DAB1: variants seen among roughly 807,000 people sequenced by gnomAD.
DAB1 encodes disabled homolog 1.
A neutral mutation model predicts 64.6 loss-of-function variants in DAB1; 15 were observed. The observed-to-expected ratio is 0.23, with a 90% CI of 0.16 to 0.36. The LOEUF (loss-of-function observed/expected upper bound fraction) is 0.36. Ranked by LOEUF, DAB1 falls within the 10% of genes least tolerant of loss-of-function variation. DAB1 has a pLI of 1.00. For synonymous variants in DAB1, 235 were observed against 251.9 expected, an observed-to-expected ratio of 0.93 and a Z score of 0.64; for missense variants, 596 against 706.7, an observed-to-expected ratio of 0.84 and a Z score of 1.78.
chr1:57,104,241 T>C (rs913138649), intron 4 of DAB1, among the ~76,000 whole-genome samples: 2 of 152,042 alleles, frequency 1.3e-5, no homozygotes, highest in African/African-American at 4.8e-5. Flanking sequence ...TAATCCTGCC[T>C]CACTGAACAG....
intron 5 of DAB1, among the ~76,000 whole-genome samples, chr1:57,905,761 A>G (rs1644541262): frequency 6.6e-6 from 1 of 152,176 alleles, no homozygotes; most frequent in African/African-American, 2.4e-5. Context: ...ATTGAGAAGA[A>G]GAAGAGAAAC....
intron 2 of DAB1, among the ~76,000 whole-genome samples, chr1:57,203,980 C>A (rs1448727507): frequency 6.6e-6 from 1 of 152,098 alleles, no homozygotes; most frequent in Non-Finnish European, 1.5e-5. Flanking sequence ...CCCTCTGCCT[C>A]CCAGGTTCAA....
chr1:57,682,240 TA>T (rs997852641), intron 6 of DAB1, among the ~76,000 whole-genome samples: 5 of 151,096 alleles, frequency 3.3e-5, no homozygotes, highest in African/African-American at 7.3e-5. Context: ...AGAAGCACTT[TA>T]AAAAAATGGG....
intron 2 of DAB1, among the ~76,000 whole-genome samples, chr1:57,200,077 A>G (rs796789625): frequency 4.6e-5 from 7 of 152,326 alleles, no homozygotes; most frequent in African/African-American, 1.7e-4. Flanking sequence ...AAACTAGATC[A>G]TCAGAATGAA....
intron 5 of DAB1, among the ~76,000 whole-genome samples, chr1:58,016,780 G>C (rs1216162871): frequency 6.6e-6 from 1 of 152,016 alleles, no homozygotes; most frequent in Admixed American, 6.6e-5. Context: ...TATGTACCAG[G>C]TGCAAGGCCA....
At chr1:58,442,187 G>T (rs1481861334) in intron 3 of DAB1, among the ~76,000 whole-genome samples, 1 of 152,212 alleles carries the variant, frequency 6.6e-6, no homozygotes, top group African/African-American at 2.4e-5. Flanking sequence ...GTGCATGAAT[G>T]CACATGTGAA....
rs1646464558 is a variant in DAB1, at chr1:57,998,668, G to A, written n.388-114506C>T. Among the ~76,000 whole-genome samples, 4 of 152,176 alleles carry A rather than the reference G, an allele frequency of 2.6e-5. No individual in the cohort carries two copies. The South Asian group carries it at 8.3e-4, about 32-fold the overall frequency. On this transcript the variant is annotated intron_variant and non_coding_transcript_variant, in intron 5 of 20. Coordinates refer to the DAB1 transcript ENST00000485760. ...CATGAGCCTCACTCCCAGTTTTAAT[G>A]TGACAAACAGAGATAAGACTTTCTA...
chr1:57,576,873 C>T (rs1001780742), intron 7 of DAB1, among the ~76,000 whole-genome samples: 4 of 152,200 alleles, frequency 2.6e-5, no homozygotes, highest in Admixed American at 6.5e-5. Flanking sequence ...TATATGCCCT[C>T]GGCCGCTTGC....
intron 4 of DAB1, among the ~76,000 whole-genome samples, chr1:58,176,385 T>C (rs867195761): frequency 1.2e-4 from 18 of 152,192 alleles, no homozygotes; most frequent in Non-Finnish European, 2.2e-4. Flanking sequence ...ATGTAAAACA[T>C]TATTAAAAAC....
Position 58,518,273 on chromosome 1 carries a change from GAGA to G in DAB1, n.107+8985_107+8987del, listed in dbSNP as rs1250994917. ...AGAGGGGAGAGGGGAGAGGAGAGAG[GAGA>G]GGAGAAGAGAAGAGAAGAGAAGAGA... is the stretch of plus-strand genomic sequence containing the variant. On this transcript the variant is annotated intron_variant and non_coding_transcript_variant, in intron 2 of 20. Transcript: ENST00000485760. Among the ~76,000 whole-genome samples, 14 of 3,358 alleles carry G rather than the reference GAGA, an allele frequency of 4.2e-3. 2 individuals are homozygous for G. Among genetic ancestry groups the G allele is most frequent in the East Asian group, 0.012 (1 of 82 alleles). The allele number at this position is 3,358 out of a possible 152,430, so 2.2% of individuals were successfully genotyped here.
intron 6 of DAB1, among the ~76,000 whole-genome samples, chr1:57,671,564 G>A (rs1317490119): frequency 6.6e-6 from 1 of 152,004 alleles, no homozygotes; most frequent in Non-Finnish European, 1.5e-5. Context: ...GACCTTTCAC[G>A]AGGTGACTCC....
chr1:57,516,993 G>A (rs1235117864), intron 7 of DAB1, among the ~76,000 whole-genome samples: 1 of 152,174 alleles, frequency 6.6e-6, no homozygotes, highest in Non-Finnish European at 1.5e-5. Flanking sequence ...GTCAAAGGTT[G>A]AGGATGTGGA....
chr1:57,698,090 C>CTTT (rs754182611), intron 6 of DAB1, among the ~76,000 whole-genome samples: 5 of 143,170 alleles, frequency 3.5e-5, no homozygotes, highest in Admixed American at 2.1e-4. Flanking sequence ...AACTTGTCCA[C>CTTT]TTTTTTTTTT....
rs79132872 is a variant in DAB1 at position 57,986,849 on chromosome 1, G to C, written n.388-102687C>G. On this transcript the variant is annotated intron_variant and non_coding_transcript_variant, in intron 5 of 20. Coordinates refer to the DAB1 transcript ENST00000485760. ...TATAATTAGCTACCATTTATTAACT[G>C]TTTATTACAGGCTGGACCCTGGGCC... Among the ~76,000 whole-genome samples the C allele has an allele frequency of 3.7e-3, 570 of 152,252 alleles. 3 individuals carry two copies. The highest frequency in any genetic ancestry group is 6.7e-3 in the Non-Finnish European group (458 of 68,028).
At chr1:57,531,921 T>G (rs1644667885) in intron 7 of DAB1, among the ~76,000 whole-genome samples, 1 of 152,212 alleles carries the variant, frequency 6.6e-6, no homozygotes, top group South Asian at 2.1e-4. Context: ...GGCTACCTAT[T>G]TACAACAGAT....
chr1:57,401,659 A>C (rs1474290889), intron 1 of DAB1, among the ~76,000 whole-genome samples: 1 of 152,170 alleles, frequency 6.6e-6, no homozygotes, highest in Non-Finnish European at 1.5e-5. Context: ...ACCCATCCAA[A>C]CCCTTTCATC....
chr1:57,050,753 A>G (rs1264269521), intron 9 of DAB1, among the ~76,000 whole-genome samples: 1 of 152,220 alleles, frequency 6.6e-6, no homozygotes, highest in Non-Finnish European at 1.5e-5. Context: ...TTATAGGTCT[A>G]TCTCCTTGAG....
intron 2 of DAB1, among the ~76,000 whole-genome samples, chr1:57,271,070 C>G (rs985081472): frequency 1.3e-5 from 2 of 152,110 alleles, no homozygotes; most frequent in African/African-American, 4.8e-5. Context: ...AAGCCTTTCC[C>G]CAGAAAGGTT....
At chr1:58,316,756 G>C (rs1163676441) in intron 4 of DAB1, among the ~76,000 whole-genome samples, 2 of 152,190 alleles carry the variant, frequency 1.3e-5, no homozygotes, top group African/African-American at 4.8e-5. Flanking sequence ...CTTATCTGGA[G>C]AGTAAATTCC....
Sources: gnomAD v4.1 joint callset for allele counts (sites outside exome capture counted in the v4.1 genomes callset) on GRCh38, gnomAD v4.1.1 for gene constraint, MANE v1.5 for transcripts, NCBI Gene and HGNC (gene_info 2026-07-23, HGNC 2026-07-21) for gene names.